AGBL1: variants seen among roughly 807,000 people sequenced by gnomAD.
AGBL1 encodes AGBL carboxypeptidase 1.
In AGBL1, 130 loss-of-function variants were observed where a neutral mutation model predicts 118.9. The ratio of observed to expected loss-of-function variants is 1.09; its 90% confidence interval spans 0.95 to 1.26. The LOEUF (loss-of-function observed/expected upper bound fraction) is 1.26. Ranked by LOEUF, AGBL1 falls within the 50% of genes most tolerant of loss-of-function variation. The pLI, the probability that AGBL1 is intolerant of heterozygous loss-of-function variation, is 0.00. For missense variants in AGBL1, 1,584 were observed against 1,298.1 expected, an observed-to-expected ratio of 1.22 and a Z score of -3.38; for synonymous variants, 555 against 478.9, an observed-to-expected ratio of 1.16 and a Z score of -2.08.
At chr15:86,578,082 G>A (rs2084119218) in intron 21 of AGBL1, among the ~76,000 whole-genome samples, 1 of 152,152 alleles carries the variant, frequency 6.6e-6, no homozygotes, top group Non-Finnish European at 1.5e-5. Flanking sequence ...CTTGCACCGT[G>A]TGCCTGGAAA....
intron 24 of AGBL1, among the ~76,000 whole-genome samples, chr15:87,027,344 G>C: frequency 6.6e-6 from 1 of 151,960 alleles, no homozygotes; most frequent in Non-Finnish European, 1.5e-5. Context: ...GTGTAAATTA[G>C]TTAAACCATT....
chr15:86,240,938 A>T (rs2078631939), intron 6 of AGBL1, among the ~76,000 whole-genome samples: 1 of 152,210 alleles, frequency 6.6e-6, no homozygotes. Context: ...AGTCACATGG[A>T]TCTTAGAAGA....
At chr15:86,367,527 C>A (rs997582654) in intron 17 of AGBL1, among the ~76,000 whole-genome samples, 3 of 151,794 alleles carry the variant, frequency 2.0e-5, no homozygotes, top group African/African-American at 7.3e-5. Context: ...GTTTCCTGTG[C>A]CCAAAACCTA....
At chr15:86,782,881 A>G (rs2078354139) in intron 22 of AGBL1, among the ~76,000 whole-genome samples, 1 of 152,208 alleles carries the variant, frequency 6.6e-6, no homozygotes, top group African/African-American at 2.4e-5. Context: ...GTTAAATTTG[A>G]CAAGCCCCAA....
intron 22 of AGBL1, among the ~76,000 whole-genome samples, chr15:86,876,609 T>C (rs1036270602): frequency 7.2e-5 from 11 of 152,206 alleles, no homozygotes; most frequent in Non-Finnish European, 1.2e-4. Flanking sequence ...GGCAAAGTTA[T>C]TCTGCAAAGA....
intron 22 of AGBL1, among the ~76,000 whole-genome samples, chr15:86,809,765 T>G (rs368772113): frequency 6.6e-6 from 1 of 152,182 alleles, no homozygotes; most frequent in East Asian, 1.9e-4. Context: ...TTCATCTATA[T>G]TATTTTGGTA....
At chr15:86,166,471 C>A (rs1219003426) in intron 5 of AGBL1, among the ~76,000 whole-genome samples, 2 of 152,194 alleles carry the variant, frequency 1.3e-5, no homozygotes, top group African/African-American at 2.4e-5. Context: ...CCTCAGGCGA[C>A]CCTACACTTT....
At chr15:86,940,101 G>T (rs1212947811) in intron 23 of AGBL1, among the ~76,000 whole-genome samples, 1 of 120,500 alleles carries the variant, frequency 8.3e-6, no homozygotes, top group Non-Finnish European at 1.7e-5. Context: ...TAGAGACGGG[G>T]TTTCTCTGTG....
At position 86,784,184 on chromosome 15, in the gene AGBL1, C is replaced by T. The variant is rs143119374; in HGVS notation, c.3158+109748C>T. On this transcript the variant is annotated intron_variant, in intron 22 of 22. Coordinates refer to ENST00000614907, the MANE Select transcript of AGBL1 (RefSeq NM_001386094.1). ...AACTTATATAGTATTTAGGACAGAG[C>T]TGGCACATCATAAGCTCTTAGTGCC... Among the ~76,000 whole-genome samples the T allele has an allele frequency of 1.1e-3, 167 of 152,230 alleles. 1 individual carries two copies. Among genetic ancestry groups the T allele is most frequent in the African/African-American group, 3.9e-3 (162 of 41,534 alleles).
At chr15:86,784,700 T>G (rs971549287) in intron 22 of AGBL1, among the ~76,000 whole-genome samples, 2 of 152,204 alleles carry the variant, frequency 1.3e-5, no homozygotes, top group Non-Finnish European at 2.9e-5. Flanking sequence ...TGGCTTCTAC[T>G]GCGTTATAAA....
At chr15:86,350,949 C>T (rs909053945) in intron 17 of AGBL1, among the ~76,000 whole-genome samples, 1 of 152,134 alleles carries the variant, frequency 6.6e-6, no homozygotes, top group Non-Finnish European at 1.5e-5. Flanking sequence ...AAAATAAGGG[C>T]ATTTAAGTGA....
chr15:86,400,580 C>A (rs575092332), intron 18 of AGBL1, among the ~76,000 whole-genome samples: 3 of 150,504 alleles, frequency 2.0e-5, no homozygotes, highest in Non-Finnish European at 4.4e-5. Flanking sequence ...TACATTGTAC[C>A]CAATGTGTAG....
At chr15:86,150,548 C>T (rs2077093829) in intron 3 of AGBL1, among the ~76,000 whole-genome samples, 1 of 152,122 alleles carries the variant, frequency 6.6e-6, no homozygotes. Flanking sequence ...TTCCTGGGCA[C>T]ATACACCCTC....
chr15:86,297,214 T>C (rs557949742), intron 17 of AGBL1: 1 of 152,272 alleles, frequency 6.6e-6, no homozygotes, highest in African/African-American at 2.4e-5. Context: ...CTTTTTTTTC[T>C]TTTAAACACA....
chr15:86,918,374 C>T (rs2080450234), downstream of AGBL1, among the ~76,000 whole-genome samples: 1 of 152,150 alleles, frequency 6.6e-6, no homozygotes, highest in African/African-American at 2.4e-5. Flanking sequence ...CATGGTGTAA[C>T]ACCTCGGAAA....
intron 18 of AGBL1, among the ~76,000 whole-genome samples, chr15:86,402,482 C>T (rs963842877): frequency 2.0e-5 from 3 of 152,040 alleles, no homozygotes; most frequent in South Asian, 2.1e-4. Flanking sequence ...ACTTCAAGTA[C>T]TATGTTGAAT....
At chr15:86,361,409 A>C (rs915343138) in intron 17 of AGBL1, among the ~76,000 whole-genome samples, 1 of 152,058 alleles carries the variant, frequency 6.6e-6, no homozygotes, top group African/African-American at 2.4e-5. Context: ...TTGAGAAGAA[A>C]GTCTTCTATT....
intron 21 of AGBL1, among the ~76,000 whole-genome samples, chr15:86,665,667 A>T (rs2085631630): frequency 6.6e-6 from 1 of 152,126 alleles, no homozygotes; most frequent in African/African-American, 2.4e-5. Flanking sequence ...ATATACATTG[A>T]AAAACCTTCT....
chr15:86,505,025 A>G (rs1415502159), intron 18 of AGBL1, among the ~76,000 whole-genome samples: 3 of 151,760 alleles, frequency 2.0e-5, no homozygotes, highest in African/African-American at 7.3e-5. Context: ...TAGTTTTGCT[A>G]AGTATAGAAT....
Sources: allele counts gnomAD v4.1 joint callset (sites outside exome capture counted in the v4.1 genomes callset), GRCh38; gene constraint gnomAD v4.1.1; transcripts MANE v1.5; gene names NCBI Gene and HGNC (gene_info 2026-07-23, HGNC 2026-07-21).